Variants in LIN7A observed in about 807,000 individuals in gnomAD.
The protein encoded by LIN7A is protein lin-7 homolog A.
LIN7A carries 25 observed loss-of-function variants against 29.8 expected under a neutral mutation model. The observed-to-expected ratio is 0.84, with a 90% confidence interval of 0.61 to 1.17. LIN7A has a LOEUF of 1.17. LIN7A is among the 50% of genes most tolerant of loss of function. The pLI, the probability that LIN7A is intolerant of heterozygous loss-of-function variation, is 0.00. For synonymous variants in LIN7A, 118 were observed against 107.5 expected (o/e 1.10, Z -0.60); for missense variants, 239 against 287.0 (o/e 0.83, Z 1.21).
chr12:80,911,233 AT>A (rs1876729705), intron 1 of LIN7A, among the ~76,000 whole-genome samples: 1 of 148,184 alleles, frequency 6.7e-6, no homozygotes, highest in African/African-American at 2.5e-5. Context: ...TTCAAATGTG[AT>A]TTTAAGGAGG....
intron 1 of LIN7A, among the ~76,000 whole-genome samples, chr12:80,920,586 C>A (rs1172830930): frequency 6.6e-6 from 1 of 152,184 alleles, no homozygotes; most frequent in African/African-American, 2.4e-5. Context: ...AACGTTAGAT[C>A]ATTAAAGTAT....
At chr12:80,824,030 C>T (rs1871940398) in intron 4 of LIN7A, among the ~76,000 whole-genome samples, 1 of 151,822 alleles carries the variant, frequency 6.6e-6, no homozygotes, top group Non-Finnish European at 1.5e-5. Context: ...AAGATCAGGG[C>T]AGAACTAAAT....
At chr12:80,912,326 C>G (rs573053589) in intron 1 of LIN7A, among the ~76,000 whole-genome samples, 1 of 152,094 alleles carries the variant, frequency 6.6e-6, no homozygotes, top group South Asian at 2.1e-4. Context: ...ATATATAATA[C>G]CTAATATAAT....
chr12:80,875,024 C>T (rs925393918), intron 2 of LIN7A, among the ~76,000 whole-genome samples: 1 of 152,136 alleles, frequency 6.6e-6, no homozygotes, highest in African/African-American at 2.4e-5. Flanking sequence ...GAAACAAAAA[C>T]AAAATACTGT....
intron 2 of LIN7A, among the ~76,000 whole-genome samples, chr12:80,853,344 AG>A (rs1873426780): frequency 1.9e-5 from 1 of 51,516 alleles, no homozygotes; most frequent in Admixed American, 2.7e-4. Context: ...TAAAAAAAAA[AG>A]AAACTCTTTG....
At chr12:80,807,076 T>TTTTTTTTTTTTTTG (rs1871048657) in intron 5 of LIN7A, among the ~76,000 whole-genome samples, 3 of 126,040 alleles carry the variant, frequency 2.4e-5, no homozygotes, top group Non-Finnish European at 4.9e-5. Context: ...TTTTTTTTTT[T>TTTTTTTTTTTTTTG]TTTTTTTTTT....
intron 2 of LIN7A, among the ~76,000 whole-genome samples, chr12:80,878,191 C>G: frequency 6.6e-6 from 1 of 152,012 alleles, no homozygotes; most frequent in South Asian, 2.1e-4. Flanking sequence ...GATCACTGAC[C>G]CATTAGTGCA....
At chr12:80,800,255 C>G (rs139922994) in intron 5 of LIN7A, among the ~76,000 whole-genome samples, 105 of 151,958 alleles carry the variant, frequency 6.9e-4, no homozygotes, top group African/African-American at 2.4e-3. Flanking sequence ...TTTGGGAGGC[C>G]GAGGCTGGCG....
intron 1 of LIN7A, among the ~76,000 whole-genome samples, chr12:80,919,401 C>A (rs1877185762): frequency 6.6e-6 from 1 of 152,138 alleles, no homozygotes; most frequent in African/African-American, 2.4e-5. Flanking sequence ...GAGTACTATT[C>A]CAAATAAGTG....
intron 1 of LIN7A, among the ~76,000 whole-genome samples, chr12:80,933,250 TA>T (rs1192521575): frequency 6.6e-6 from 1 of 152,174 alleles, no homozygotes; most frequent in East Asian, 1.9e-4. Context: ...TCTTAATATA[TA>T]ATTAAATTTC....
chr12:80,874,731 C>T (rs1476179203), intron 2 of LIN7A, among the ~76,000 whole-genome samples: 2 of 152,154 alleles, frequency 1.3e-5, no homozygotes, highest in Non-Finnish European at 2.9e-5. Context: ...CGCCTGTAAT[C>T]CCAGCACTTT....
chr12:80,842,116 G>A (rs774571463), intron 4 of LIN7A: 939 of 1,286,742 alleles, frequency 7.3e-4, no homozygotes, highest in Admixed American at 7.6e-4. Flanking sequence ...ATCTGTTTTT[G>A]ACTTCTTAGA....
At chr12:80,862,969 G>T (rs983489633) in intron 2 of LIN7A, among the ~76,000 whole-genome samples, 11 of 152,172 alleles carry the variant, frequency 7.2e-5, no homozygotes, top group Admixed American at 4.6e-4. Flanking sequence ...TCACAGAGAG[G>T]AGTTTTCCAT....
chr12:80,891,107 A>G (rs1381490172), intron 1 of LIN7A, among the ~76,000 whole-genome samples: 2 of 152,092 alleles, frequency 1.3e-5, no homozygotes, highest in Non-Finnish European at 1.5e-5. Flanking sequence ...AGTGCGGTAG[A>G]TTCTATCTTG....
chr12:80,874,975 TG>T (rs1486253012), intron 2 of LIN7A, among the ~76,000 whole-genome samples: 1 of 152,218 alleles, frequency 6.6e-6, no homozygotes, highest in East Asian at 1.9e-4. Flanking sequence ...CACTCCATCC[TG>T]GGTGACAGAG....
intron 1 of LIN7A, among the ~76,000 whole-genome samples, chr12:80,923,780 G>T (rs1285297304): frequency 6.6e-6 from 1 of 152,194 alleles, no homozygotes; most frequent in Non-Finnish European, 1.5e-5. Context: ...TGATAGTATA[G>T]TCTAGTGGTT....
chr12:80,935,450 A>G (rs1785387937), intron 1 of LIN7A, among the ~76,000 whole-genome samples: 1 of 152,208 alleles, frequency 6.6e-6, no homozygotes, highest in Non-Finnish European at 1.5e-5. Flanking sequence ...GATGTGGCAC[A>G]GAGAGAATCT....
At chr12:80,833,826 G>A (rs758742983) in intron 4 of LIN7A, among the ~76,000 whole-genome samples, 3 of 152,134 alleles carry the variant, frequency 2.0e-5, no homozygotes, top group Non-Finnish European at 2.9e-5. Context: ...TACAAAGGCA[G>A]AAGGTGTTGT....
At chr12:80,798,630 T>G (rs1198806046) in intron 5 of LIN7A, among the ~76,000 whole-genome samples, 2 of 152,186 alleles carry the variant, frequency 1.3e-5, no homozygotes, top group Admixed American at 6.5e-5. Flanking sequence ...TAATGAAAAT[T>G]TATTGAGTGC....
Sources: allele counts gnomAD v4.1 joint callset (sites outside exome capture counted in the v4.1 genomes callset), GRCh38; gene constraint gnomAD v4.1.1; transcripts MANE v1.5; gene names NCBI Gene and HGNC (gene_info 2026-07-23, HGNC 2026-07-21).